The following ARMH4 variants were observed in gnomAD, a reference collection of about 807,000 sequenced individuals.
ARMH4 encodes the protein armadillo-like helical domain-containing protein 4.
A neutral mutation model predicts 61.9 loss-of-function variants in ARMH4; 49 were observed. The ratio of observed to expected loss-of-function variants is 0.79; its 90% CI spans 0.63 to 1.00. The LOEUF (loss-of-function observed/expected upper bound fraction) is 1.00. ARMH4 is among the 50% of genes least tolerant of loss of function. The pLI is 0.00. For missense variants in ARMH4, 934 were observed against 930.0 expected (o/e 1.00, Z -0.06); for synonymous variants, 368 against 341.5 (o/e 1.08, Z -0.85).
At chr14:58,068,225 G>T (rs956578579) in intron 5 of ARMH4, among the ~76,000 whole-genome samples, 6 of 152,030 alleles carry the variant, frequency 3.9e-5, no homozygotes, top group African/African-American at 9.7e-5. Context: ...AGTTAATTCT[G>T]TCTACCCCCC....
At chr14:58,105,689 G>GA (rs1373693311) in intron 4 of ARMH4, among the ~76,000 whole-genome samples, 297 of 91,154 alleles carry the variant, frequency 3.3e-3, no homozygotes, top group South Asian at 3.5e-3. Flanking sequence ...TCCATCTCAA[G>GA]AAAAAAAAAA....
chr14:58,148,782 C>T (rs746180276), intron 1 of ARMH4, among the ~76,000 whole-genome samples: 18 of 151,886 alleles, frequency 1.2e-4, no homozygotes, highest in Admixed American at 3.3e-4. Context: ...TTAACTGTCA[C>T]TCTAACAATA....
chr14:58,040,174 C>T (rs541374256), intron 5 of ARMH4, among the ~76,000 whole-genome samples: 13 of 151,542 alleles, frequency 8.6e-5, no homozygotes, highest in Admixed American at 8.5e-4. Context: ...TTTTTTTTAA[C>T]TTTTACTTTG....
At chr14:58,023,629 T>C (rs1361608575) in intron 5 of ARMH4, among the ~76,000 whole-genome samples, 3 of 152,226 alleles carry the variant, frequency 2.0e-5, no homozygotes, top group African/African-American at 7.2e-5. Flanking sequence ...ATGTTCTGAA[T>C]GGCATCTAGA....
At position 58,138,102 on chromosome 14, in the gene ARMH4, T is replaced by TC; in HGVS notation, c.1256dup (p.Asp420ArgfsTer25). On this transcript the variant is annotated frameshift_variant, in exon 2 of 8. Coordinates refer to ENST00000267485, the MANE Select transcript of ARMH4 (RefSeq NM_001001872.4). LOFTEE classifies it high-confidence loss of function. ...TTTCCTTGGTGGATTCCGTGAAGTCTCCCGTACTTTGGAGCAAGTTCACAA... is the reference window on the plus strand; with the variant it reads ...TTTCCTTGGTGGATTCCGTGAAGTCTCCCCGTACTTTGGAGCAAGTTCACAA... 1 of 1,614,256 alleles carries TC rather than the reference T, an allele frequency of 6.2e-7. No individual in the cohort carries two copies. The highest frequency in any genetic ancestry group is 8.5e-7 in the Non-Finnish European group (1 of 1,180,048).
At chr14:58,120,836 AT>A (rs1886700324) in intron 4 of ARMH4, among the ~76,000 whole-genome samples, 1 of 152,168 alleles carries the variant, frequency 6.6e-6, no homozygotes, top group Admixed American at 6.5e-5. Context: ...ACAGAAGCAC[AT>A]TTTCCCCCAC....
intron 1 of ARMH4, chr14:58,141,177 C>A: frequency 4.0e-6 from 1 of 248,768 alleles, no homozygotes; most frequent in South Asian, 4.9e-5. Context: ...TGCTGAATAC[C>A]AGTTACTTTT....
intron 6 of ARMH4, 132 bp downstream of exon 6, chr14:58,011,987 G>A (rs1340074940): frequency 6.1e-6 from 4 of 654,256 alleles, no homozygotes; most frequent in African/African-American, 1.9e-5. Flanking sequence ...GGTACTGCAA[G>A]TTGCCCTGAA....
intron 4 of ARMH4, among the ~76,000 whole-genome samples, chr14:58,118,599 G>A (rs1351650874): frequency 3.9e-5 from 6 of 152,004 alleles, no homozygotes; most frequent in African/African-American, 1.4e-4. Context: ...CTGGCAAAGT[G>A]CCTGAAATAT....
At chr14:58,023,482 CTCTT>C (rs758884301) in intron 5 of ARMH4, among the ~76,000 whole-genome samples, 1 of 152,120 alleles carries the variant, frequency 6.6e-6, no homozygotes, top group Admixed American at 6.5e-5. Context: ...AATTCTAATT[CTCTT>C]TCTATTTCTA....
intron 5 of ARMH4, among the ~76,000 whole-genome samples, chr14:58,061,101 G>A (rs912754531): frequency 4.3e-4 from 66 of 152,232 alleles, no homozygotes; most frequent in African/African-American, 1.4e-3. Flanking sequence ...CTCCAACTCC[G>A]TGAGGCTCCT....
chr14:58,104,673 T>C (rs2141277221), intron 4 of ARMH4, among the ~76,000 whole-genome samples: 1 of 152,336 alleles, frequency 6.6e-6, no homozygotes, highest in South Asian at 2.1e-4. Flanking sequence ...TATTATCACC[T>C]TTCTTCAAAT....
At chr14:58,109,603 G>A (rs1395669678) in intron 4 of ARMH4, among the ~76,000 whole-genome samples, 2 of 151,976 alleles carry the variant, frequency 1.3e-5, no homozygotes, top group Admixed American at 6.6e-5. Flanking sequence ...TTCTTCTTTA[G>A]GAGTACACTG....
At chr14:58,010,702 TA>T (rs1185648558) in intron 6 of ARMH4, among the ~76,000 whole-genome samples, 2 of 151,934 alleles carry the variant, frequency 1.3e-5, no homozygotes, top group African/African-American at 4.8e-5. Context: ...TTCATAGGAA[TA>T]AAAAAATATA....
chr14:58,121,142 C>A (rs1175373291), intron 4 of ARMH4, among the ~76,000 whole-genome samples: 1 of 152,200 alleles, frequency 6.6e-6, no homozygotes, highest in Non-Finnish European at 1.5e-5. Flanking sequence ...TACTAGCACT[C>A]GTGCTCCCTT....
chr14:58,127,574 G>A (rs1368709063), intron 4 of ARMH4, among the ~76,000 whole-genome samples: 1 of 152,142 alleles, frequency 6.6e-6, no homozygotes, highest in East Asian at 1.9e-4. Flanking sequence ...ACAGGGTTGA[G>A]ACAATATCAT....
chr14:58,109,947 T>C (rs1430208201), intron 4 of ARMH4, among the ~76,000 whole-genome samples: 1 of 152,122 alleles, frequency 6.6e-6, no homozygotes, highest in Non-Finnish European at 1.5e-5. Context: ...AGAAAGACCA[T>C]GAGTGAGTGT....
Position 58,001,121 on chromosome 14 carries a change from T to A in ARMH4, c.*3615A>T, listed in dbSNP as rs1350974916. ...GTGCAATCATGCATTTGTCCTTCTG[T>A]CACTAGTTTATTTCACTTAGCATAA... On this transcript the variant is annotated 3_prime_UTR_variant, in exon 8 of 8. Transcript: ENST00000267485. The A allele has an allele frequency of 6.6e-6, 1 of 152,240 alleles. No individual in the cohort carries two copies. The highest frequency in any genetic ancestry group is 6.5e-5 in the Admixed American group (1 of 15,280). 9.4% of individuals were successfully genotyped at this position (152,240 alleles called of 1,614,324 possible).
chr14:58,137,390 T>C (rs1887339488), intron 2 of ARMH4, among the ~76,000 whole-genome samples: 1 of 152,112 alleles, frequency 6.6e-6, no homozygotes, highest in South Asian at 2.1e-4. Flanking sequence ...AATTTGGGTG[T>C]AATTTTTTTT....
Sources: gnomAD v4.1 joint callset for allele counts (sites outside exome capture counted in the v4.1 genomes callset) on GRCh38, gnomAD v4.1.1 for gene constraint, MANE v1.5 for transcripts, NCBI Gene and HGNC (gene_info 2026-07-23, HGNC 2026-07-21) for gene names.